SLC30A8: variants seen among roughly 807,000 people sequenced by gnomAD.
SLC30A8 encodes proton-coupled zinc antiporter SLC30A8.
A neutral mutation model predicts 36.9 loss-of-function variants in SLC30A8; 27 were observed. The ratio of observed to expected loss-of-function variants is 0.73; its 90% CI spans 0.54 to 1.01. The LOEUF (loss-of-function observed/expected upper bound fraction) is 1.01. SLC30A8 is among the 50% of genes least tolerant of loss of function. The pLI is 0.00. For synonymous variants in SLC30A8, 164 were observed against 172.4 expected (o/e 0.95, Z 0.38); for missense variants, 439 against 452.0 (o/e 0.97, Z 0.26).
At chr8:117,008,223 T>C (rs1683670086) in intron 1 of SLC30A8, among the ~76,000 whole-genome samples, 1 of 152,198 alleles carries the variant, frequency 6.6e-6, no homozygotes, top group African/African-American at 2.4e-5. Context: ...TGAACTTTGC[T>C]CTTAATAATA....
intron 2 of SLC30A8, chr8:117,147,708 C>T (rs1821963829): frequency 6.5e-6 from 1 of 153,280 alleles, no homozygotes; most frequent in Admixed American, 6.4e-5. Flanking sequence ...ATTCATATTG[C>T]CAGAGTGCTG....
At chr8:117,107,567 C>T (rs964531172) in intron 2 of SLC30A8, among the ~76,000 whole-genome samples, 1 of 152,176 alleles carries the variant, frequency 6.6e-6, no homozygotes, top group Admixed American at 6.6e-5. Flanking sequence ...ACGATACTAT[C>T]TCTTGGTGCA....
intron 1 of SLC30A8, among the ~76,000 whole-genome samples, chr8:116,999,210 G>A (rs543745048): frequency 1.3e-5 from 2 of 152,302 alleles, no homozygotes; most frequent in Admixed American, 1.3e-4. Context: ...AGTGAGCCGA[G>A]ATCATGCCAT....
At chr8:117,032,043 C>A (rs11990353) in intron 1 of SLC30A8, among the ~76,000 whole-genome samples, 9,890 of 152,154 alleles carry the variant, frequency 0.065, 391 homozygotes, top group African/African-American at 0.11. Context: ...ATTTATCTTG[C>A]GGTTGTATGC....
intron 1 of SLC30A8, among the ~76,000 whole-genome samples, chr8:117,005,901 C>T (rs139009592): frequency 7.9e-5 from 12 of 152,294 alleles, no homozygotes; most frequent in East Asian, 3.9e-4. Flanking sequence ...ACAGATACTG[C>T]ATCCAGTTTG....
At chr8:117,150,554 C>T (rs1176981482) in intron 2 of SLC30A8, among the ~76,000 whole-genome samples, 1 of 152,182 alleles carries the variant, frequency 6.6e-6, no homozygotes, top group Non-Finnish European at 1.5e-5. Flanking sequence ...TGCTGCTGCC[C>T]TAGTTCATGC....
chr8:117,025,722 GA>G (rs763082286), intron 1 of SLC30A8, among the ~76,000 whole-genome samples: 1 of 152,124 alleles, frequency 6.6e-6, no homozygotes. Context: ...CACAGCTCTT[GA>G]AATCTTACCT....
intron 1 of SLC30A8, among the ~76,000 whole-genome samples, chr8:116,991,131 C>G (rs73312255): frequency 0.052 from 7,891 of 152,034 alleles, 679 homozygotes; most frequent in African/African-American, 0.18. Context: ...AGAATTTTTC[C>G]TCCTTCTTTT....
chr8:116,966,384 G>C (rs927003572), intron 1 of SLC30A8, among the ~76,000 whole-genome samples: 2 of 152,074 alleles, frequency 1.3e-5, no homozygotes, highest in Non-Finnish European at 1.5e-5. Context: ...CTTTTCAGTT[G>C]TGTCTGCCTT....
At chr8:116,967,880 A>G (rs898031458) in intron 1 of SLC30A8, among the ~76,000 whole-genome samples, 2 of 152,190 alleles carry the variant, frequency 1.3e-5, no homozygotes, top group Non-Finnish European at 2.9e-5. Context: ...TGTAGGCAAT[A>G]TGAATCGTCC....
chr8:116,956,877 A>G (rs1814224562), intron 1 of SLC30A8, among the ~76,000 whole-genome samples: 1 of 152,232 alleles, frequency 6.6e-6, no homozygotes, highest in African/African-American at 2.4e-5. Context: ...CCAATTACAA[A>G]GTAGTCAACA....
chr8:117,033,463 T>G (rs1001694604), intron 1 of SLC30A8, among the ~76,000 whole-genome samples: 6 of 152,314 alleles, frequency 3.9e-5, no homozygotes, highest in Admixed American at 2.6e-4. Context: ...TGCCAGACAG[T>G]AAGGATAACA....
intron 2 of SLC30A8, among the ~76,000 whole-genome samples, chr8:117,050,088 C>G (rs909235015): frequency 6.6e-6 from 1 of 152,302 alleles, no homozygotes; most frequent in Non-Finnish European, 1.5e-5. Flanking sequence ...ACAGCATGCT[C>G]TCTTCCACAT....
chr8:117,119,489 G>T (rs1820595930), intron 2 of SLC30A8, among the ~76,000 whole-genome samples: 1 of 151,866 alleles, frequency 6.6e-6, no homozygotes, highest in Admixed American at 6.6e-5. Context: ...AAGTCAAGGG[G>T]AATGAGAGAA....
intron 2 of SLC30A8, among the ~76,000 whole-genome samples, chr8:117,039,728 A>G (rs1393014299): frequency 1.3e-5 from 2 of 152,242 alleles, no homozygotes; most frequent in Admixed American, 6.5e-5. Flanking sequence ...ATAATAGCTG[A>G]ATAATATCTT....
At chr8:117,113,521 C>T (rs887284524) in intron 2 of SLC30A8, among the ~76,000 whole-genome samples, 26 of 152,256 alleles carry the variant, frequency 1.7e-4, no homozygotes, top group African/African-American at 6.3e-4. Context: ...GGAGAAGCTT[C>T]TGTATACTAA....
intron 1 of SLC30A8, among the ~76,000 whole-genome samples, chr8:117,145,046 C>G (rs1250712748): frequency 6.6e-6 from 1 of 152,102 alleles, no homozygotes; most frequent in Non-Finnish European, 1.5e-5. Context: ...TGGCAACCAT[C>G]CCACTACCAT....
At chr8:117,124,511 C>G (rs1298912094) in intron 2 of SLC30A8, among the ~76,000 whole-genome samples, 4 of 151,834 alleles carry the variant, frequency 2.6e-5, no homozygotes, top group Non-Finnish European at 5.9e-5. Context: ...GCTGTGGGAT[C>G]TCACATTGGC....
intron 1 of SLC30A8, among the ~76,000 whole-genome samples, chr8:116,971,008 T>G (rs1300704936): frequency 6.6e-6 from 1 of 152,066 alleles, no homozygotes; most frequent in Non-Finnish European, 1.5e-5. Flanking sequence ...GGCAGTAGAA[T>G]AGCATGGACC....
Sources: allele counts gnomAD v4.1 joint callset (sites outside exome capture counted in the v4.1 genomes callset), GRCh38; gene constraint gnomAD v4.1.1; transcripts MANE v1.5; gene names NCBI Gene and HGNC (gene_info 2026-07-23, HGNC 2026-07-21).